OSBPL8: variants seen among roughly 807,000 people sequenced by gnomAD.
OSBPL8 encodes the protein oxysterol-binding protein-related protein 8.
Under a neutral mutation model 125.5 loss-of-function variants are expected in OSBPL8, and 59 were observed. The observed-to-expected ratio is 0.47, with a 90% CI of 0.38 to 0.58. The LOEUF is 0.58. Ranked by LOEUF, OSBPL8 falls within the 20% of genes least tolerant of loss-of-function variation. The pLI, the probability that OSBPL8 is intolerant of heterozygous loss-of-function variation, is 0.00. For missense variants in OSBPL8, 758 were observed against 1,047.8 expected, an observed-to-expected ratio of 0.72 and a Z score of 3.82; for synonymous variants, 330 against 338.9, an observed-to-expected ratio of 0.97 and a Z score of 0.29.
intron 4 of OSBPL8, among the ~76,000 whole-genome samples, chr12:76,447,877 A>G (rs1204611286): frequency 6.6e-6 from 1 of 152,184 alleles, no homozygotes; most frequent in East Asian, 1.9e-4. Context: ...TCAAAGACAC[A>G]AAAGAAAACA....
chr12:76,509,184 T>TA (rs1880727034), intron 1 of OSBPL8, among the ~76,000 whole-genome samples: 1 of 152,210 alleles, frequency 6.6e-6, no homozygotes, highest in African/African-American at 2.4e-5. Flanking sequence ...TTCTGTATAG[T>TA]AAAACATGTT....
intron 5 of OSBPL8, among the ~76,000 whole-genome samples, chr12:76,408,059 C>G (rs1453112558): frequency 6.7e-6 from 1 of 148,630 alleles, no homozygotes; most frequent in East Asian, 2.0e-4. Flanking sequence ...GCAGTCCCAG[C>G]TACTTGGGAG....
intron 4 of OSBPL8, among the ~76,000 whole-genome samples, 165 bp from the exon 5 acceptor site, chr12:76,410,799 T>C (rs550529651): frequency 6.6e-6 from 1 of 152,250 alleles, no homozygotes; most frequent in African/African-American, 2.4e-5. Flanking sequence ...GCATAATCCT[T>C]TAGAACTAAG....
Position 76,355,942 on chromosome 12 carries a change from TGAA to T in OSBPL8, c.2614_2616del (p.Phe872del). On this transcript the variant is annotated inframe_deletion, in exon 24 of 24. Transcript: ENST00000261183. ...TGAAGCAAAATCAGGAGGAAAATGA[TGAA>T]GTAGTCTTTTTGTTGCAGAAAATAA... 1 of 1,613,484 alleles carries T rather than the reference TGAA, an allele frequency of 6.2e-7. No individual in the cohort carries two copies. Among genetic ancestry groups the T allele is most frequent in the Non-Finnish European group, 8.5e-7 (1 of 1,179,544 alleles).
chr12:76,556,327 T>C (rs1951097786), intron 1 of OSBPL8, among the ~76,000 whole-genome samples: 1 of 152,060 alleles, frequency 6.6e-6, no homozygotes, highest in Non-Finnish European at 1.5e-5. Context: ...ATTTCTTCCC[T>C]ATAAGGTCTC....
intron 11 of OSBPL8, 100 bp downstream of exon 11, chr12:76,390,320 G>C: frequency 1.1e-6 from 1 of 883,292 alleles, no homozygotes; most frequent in Non-Finnish European, 1.8e-6. Flanking sequence ...TTCTATCACA[G>C]AAAAATAGGC....
chr12:76,392,893 T>C (rs1158244466), intron 9 of OSBPL8, 141 bp from the exon 10 acceptor site: 3 of 829,682 alleles, frequency 3.6e-6, no homozygotes, highest in Non-Finnish European at 5.3e-6. Flanking sequence ...TGCTAGAATT[T>C]AATGAAATCT....
At chr12:76,523,430 A>C (rs1237517517) in intron 1 of OSBPL8, among the ~76,000 whole-genome samples, 1 of 152,188 alleles carries the variant, frequency 6.6e-6, no homozygotes, top group Middle Eastern at 3.2e-3. Context: ...GGTATTTTAT[A>C]AAAAGTCAAT....
At chr12:76,483,671 T>C in intron 2 of OSBPL8, among the ~76,000 whole-genome samples, 1 of 84,674 alleles carries the variant, frequency 1.2e-5, no homozygotes. Flanking sequence ...TTTTTTTTTT[T>C]TTTTTTTTTT....
intron 22 of OSBPL8, among the ~76,000 whole-genome samples, chr12:76,358,173 TTC>T (rs1376385331): frequency 8.1e-6 from 1 of 124,018 alleles, no homozygotes; most frequent in Non-Finnish European, 1.7e-5. Flanking sequence ...TAGAGTGTGG[TTC>T]TTTTTTTTTT....
chr12:76,500,249 G>A (rs1276443236), intron 1 of OSBPL8, among the ~76,000 whole-genome samples: 1 of 152,098 alleles, frequency 6.6e-6, no homozygotes, highest in African/African-American at 2.4e-5. Flanking sequence ...CAGCCAAATT[G>A]AGTTATTTGC....
At chr12:76,383,532 C>T (rs998904563) in intron 15 of OSBPL8, among the ~76,000 whole-genome samples, 8 of 152,142 alleles carry the variant, frequency 5.3e-5, no homozygotes, top group African/African-American at 1.7e-4. Context: ...AACTATGGCT[C>T]ACCACACGCT....
At chr12:76,436,067 ATGAGAGAATAT>A (rs199882262) in intron 4 of OSBPL8, among the ~76,000 whole-genome samples, 1,609 of 152,258 alleles carry the variant, frequency 0.011, 39 homozygotes, top group African/African-American at 0.037. Context: ...AAACCAAGCT[ATGAGAGAATAT>A]TGAGAGAATA....
chr12:76,373,535 A>T, intron 17 of OSBPL8, 102 bp from the exon 18 acceptor site: 1 of 669,698 alleles, frequency 1.5e-6, no homozygotes, highest in Non-Finnish European at 2.4e-6. Flanking sequence ...GTATAGTTAC[A>T]GTACTATTGA....
intron 1 of OSBPL8, among the ~76,000 whole-genome samples, chr12:76,531,833 C>T (rs930504782): frequency 6.6e-6 from 1 of 151,954 alleles, no homozygotes. Flanking sequence ...GTCAGGAGAT[C>T]GAGACCATCC....
intron 3 of OSBPL8, among the ~76,000 whole-genome samples, chr12:76,458,805 A>T (rs898010034): frequency 2.0e-5 from 3 of 152,210 alleles, no homozygotes; most frequent in Non-Finnish European, 2.9e-5. Context: ...GATCTAGACT[A>T]AAAAAGTTTA....
chr12:76,472,847 C>T (rs1876327914), intron 2 of OSBPL8, among the ~76,000 whole-genome samples: 1 of 152,152 alleles, frequency 6.6e-6, no homozygotes, highest in Non-Finnish European at 1.5e-5. Context: ...GACGGTTAGG[C>T]CTCCAGATAA....
rs1024590976 is a variant in OSBPL8, at chr12:76,371,645, T to C, written c.1918-61A>G. The C allele has an allele frequency of 7.6e-6, 10 of 1,310,596 alleles. No individual in the cohort carries two copies. In the African/African-American group the frequency reaches 1.5e-4, roughly 20 times the overall value. The allele number at this position is 1,310,596 out of a possible 1,614,324, so 81.2% of individuals were successfully genotyped here. A position where few individuals can be genotyped will look rare whatever the true frequency, so the allele number is the denominator to read the frequency against. ...TTATACTTAGAAGGCAATTATATAGTATAGTAATATGACGGTGATAATTTC... is the reference window on the plus strand; with the variant it reads ...TTATACTTAGAAGGCAATTATATAGCATAGTAATATGACGGTGATAATTTC... On this transcript the variant is annotated intron_variant, in intron 18 of 23. Coordinates refer to ENST00000261183, the MANE Select transcript of OSBPL8 (RefSeq NM_020841.5).
At chr12:76,438,341 C>A (rs1313353702) in intron 4 of OSBPL8, among the ~76,000 whole-genome samples, 1 of 148,862 alleles carries the variant, frequency 6.7e-6, no homozygotes, top group Non-Finnish European at 1.5e-5. Context: ...CTCACTCTGT[C>A]GCTCACGCTG....
Sources: allele counts gnomAD v4.1 joint callset (sites outside exome capture counted in the v4.1 genomes callset), GRCh38; gene constraint gnomAD v4.1.1; transcripts MANE v1.5; gene names NCBI Gene and HGNC (gene_info 2026-07-23, HGNC 2026-07-21).